Variants in GULP1 observed in about 807,000 individuals in gnomAD.
GULP1 encodes the protein PTB domain-containing engulfment adapter protein 1.
In GULP1, 19 loss-of-function variants were observed where a neutral mutation model predicts 40.9. The ratio of observed to expected loss-of-function variants is 0.46; its 90% CI spans 0.32 to 0.68. The LOEUF is 0.68. Among genes scored for constraint, GULP1 ranks in the 30% least tolerant of loss-of-function variants. The pLI is 0.03. For synonymous variants in GULP1, 119 were observed against 117.6 expected (o/e 1.01, Z -0.08); for missense variants, 312 against 362.2 (o/e 0.86, Z 1.12).
intron 2 of GULP1, among the ~76,000 whole-genome samples, chr2:188,400,861 C>T (rs1465835826): frequency 5.3e-5 from 8 of 150,918 alleles, no homozygotes; most frequent in African/African-American, 1.7e-4. Flanking sequence ...GCCCAGGCTG[C>T]TGGGTTCTGA....
chr2:188,465,147 C>A (rs1043645379), intron 2 of GULP1, among the ~76,000 whole-genome samples: 7 of 152,046 alleles, frequency 4.6e-5, no homozygotes, highest in Non-Finnish European at 7.4e-5. Context: ...GTCTCAGAGT[C>A]TCACTCAATG....
chr2:188,304,243 C>T (rs183381980), intron 1 of GULP1, among the ~76,000 whole-genome samples: 4 of 152,236 alleles, frequency 2.6e-5, no homozygotes, highest in Admixed American at 1.3e-4. Flanking sequence ...AAAAATAGCA[C>T]CCTTCCTTAA....
chr2:188,477,088 G>C (rs1303003580), intron 2 of GULP1, among the ~76,000 whole-genome samples: 1 of 152,022 alleles, frequency 6.6e-6, no homozygotes, highest in East Asian at 1.9e-4. Flanking sequence ...ACTAAATTTA[G>C]ATCCCATGCT....
At position 188,595,058 on chromosome 2, in the gene GULP1, C is replaced by CAA. The variant is rs1704237877; in HGVS notation, c.*1047_*1048insAA. The CAA allele has an allele frequency of 1.2e-5, 1 of 83,042 alleles. No individual in the cohort carries two copies. The highest frequency in any genetic ancestry group is 3.9e-5 in the African/African-American group (1 of 25,594). The allele number at this position is 83,042 out of a possible 1,614,324, so 5.1% of individuals were successfully genotyped here. A position where few individuals can be genotyped will look rare whatever the true frequency, so the allele number is the denominator to read the frequency against. On this transcript the variant is annotated 3_prime_UTR_variant, in exon 12 of 12. Transcript: ENST00000409830. ...TTGTTAAAGTCAAAAATCTCATTTT[C>CAA]CAAAAAAAAAAAAAAAACCCAGTTA... is the stretch of plus-strand genomic sequence containing the variant.
chr2:188,357,625 A>G (rs1439704127), intron 1 of GULP1, among the ~76,000 whole-genome samples: 2 of 152,184 alleles, frequency 1.3e-5, no homozygotes, highest in African/African-American at 4.8e-5. Context: ...CAGCTATTAC[A>G]GGAAACAGTA....
chr2:188,519,139 G>C (rs1004161761), intron 4 of GULP1, among the ~76,000 whole-genome samples: 1 of 152,130 alleles, frequency 6.6e-6, no homozygotes, highest in African/African-American at 2.4e-5. Flanking sequence ...ATAAGAAAAA[G>C]TTGGGTTAAG....
chr2:188,317,879 C>T (rs1000924116), intron 1 of GULP1, among the ~76,000 whole-genome samples: 4 of 151,122 alleles, frequency 2.6e-5, no homozygotes, highest in Non-Finnish European at 5.9e-5. Context: ...GAGAGTAAAA[C>T]TATAGTTCCA....
chr2:188,587,188 T>TA (rs1041398810), intron 10 of GULP1, among the ~76,000 whole-genome samples: 5 of 152,216 alleles, frequency 3.3e-5, no homozygotes, highest in East Asian at 1.9e-4. Context: ...TCTTTAGTGA[T>TA]AAAAAAGTAG....
chr2:188,463,546 A>T (rs1553561028), intron 2 of GULP1, among the ~76,000 whole-genome samples: 1 of 151,948 alleles, frequency 6.6e-6, no homozygotes, highest in Non-Finnish European at 1.5e-5. Flanking sequence ...GGGTATTGAT[A>T]TATTTCTCTA....
At chr2:188,419,301 A>G (rs1575129329) in intron 2 of GULP1, among the ~76,000 whole-genome samples, 3 of 152,216 alleles carry the variant, frequency 2.0e-5, no homozygotes, top group Middle Eastern at 3.4e-3. Context: ...TGGCTGCACC[A>G]TTTTGTATTC....
intron 6 of GULP1, among the ~76,000 whole-genome samples, chr2:188,540,741 C>T (rs1305422069): frequency 1.3e-5 from 2 of 152,084 alleles, no homozygotes; most frequent in African/African-American, 4.8e-5. Flanking sequence ...GTGTTCTAAA[C>T]TATAATGCTA....
At chr2:188,435,536 A>T (rs948828014) in intron 2 of GULP1, among the ~76,000 whole-genome samples, 5 of 152,088 alleles carry the variant, frequency 3.3e-5, no homozygotes, top group African/African-American at 1.2e-4. Context: ...CACATGATAC[A>T]CTTGGCTGCT....
intron 1 of GULP1, among the ~76,000 whole-genome samples, chr2:188,333,902 T>C (rs1206375886): frequency 1.3e-5 from 2 of 152,128 alleles, no homozygotes; most frequent in Non-Finnish European, 2.9e-5. Context: ...CCCTTTGGAC[T>C]GAGACCATAC....
At chr2:188,337,331 G>C (rs552683001) in intron 1 of GULP1, among the ~76,000 whole-genome samples, 2 of 151,292 alleles carry the variant, frequency 1.3e-5, no homozygotes, top group South Asian at 4.2e-4. Flanking sequence ...TAGAGATGGG[G>C]GTTTCATCAT....
At chr2:188,385,785 T>C (rs952403026) in intron 2 of GULP1, among the ~76,000 whole-genome samples, 2 of 152,174 alleles carry the variant, frequency 1.3e-5, no homozygotes, top group African/African-American at 4.8e-5. Context: ...CGCCAGTCTC[T>C]TTCCTAAAAC....
chr2:188,404,334 T>C (rs1252031601), intron 2 of GULP1, among the ~76,000 whole-genome samples: 1 of 152,020 alleles, frequency 6.6e-6, no homozygotes, highest in Non-Finnish European at 1.5e-5. Context: ...GAGTGTAGCA[T>C]AGAAATAAGA....
rs1320739782 is a variant in GULP1, at chr2:188,523,054, A to T, written c.162+227A>T. On this transcript the variant is annotated intron_variant, in intron 5 of 11. Transcript: ENST00000409830. ...TACTGTTCACATTTTTCTAAGGTAT[A>T]ATGTGTCATATTAAAAATAATATTT... is the stretch of plus-strand genomic sequence containing the variant. The T allele has an allele frequency of 7.8e-6, 3 of 386,138 alleles. No individual in the cohort carries two copies. In the East Asian group the frequency reaches 1.2e-4, roughly 15 times the overall value. 23.9% of individuals were successfully genotyped at this position (386,138 alleles called of 1,614,324 possible). A position where few individuals can be genotyped will look rare whatever the true frequency, so the allele number is the denominator to read the frequency against.
chr2:188,575,889 A>G (rs1246696672), intron 9 of GULP1, among the ~76,000 whole-genome samples: 1 of 152,140 alleles, frequency 6.6e-6, no homozygotes, highest in African/African-American at 2.4e-5. Flanking sequence ...GTAGTCTAGG[A>G]GAAGGGTAAA....
chr2:188,461,651 C>T (rs1051813007), intron 2 of GULP1, among the ~76,000 whole-genome samples: 1 of 151,810 alleles, frequency 6.6e-6, no homozygotes, highest in East Asian at 1.9e-4. Flanking sequence ...TATTATTGCT[C>T]TATTCAGGTT....
Sources: gnomAD v4.1 joint callset for allele counts (sites outside exome capture counted in the v4.1 genomes callset) on GRCh38, gnomAD v4.1.1 for gene constraint, MANE v1.5 for transcripts, NCBI Gene and HGNC (gene_info 2026-07-23, HGNC 2026-07-21) for gene names.